MALRD1: variants seen among roughly 807,000 people sequenced by gnomAD.
MALRD1 encodes the protein MAM and LDL receptor class A domain containing 1.
Under a neutral mutation model 242.1 loss-of-function variants are expected in MALRD1, and 247 were observed. That is an observed-to-expected ratio of 1.02 (90% CI 0.92 to 1.13). The LOEUF is 1.13. MALRD1 is among the 50% of genes most tolerant of loss of function. The probability of loss-of-function intolerance (pLI) is 0.00; values close to 1 mark genes in which losing one functional copy is unlikely to be tolerated. For missense variants in MALRD1, 2,989 were observed against 2,533.1 expected (o/e 1.18, Z -3.86); for synonymous variants, 995 against 866.6 (o/e 1.15, Z -2.60).
intron 36 of MALRD1, among the ~76,000 whole-genome samples, chr10:19,636,934 A>C (rs1840162451): frequency 6.6e-6 from 1 of 151,150 alleles, no homozygotes; most frequent in Non-Finnish European, 1.5e-5. Context: ...ATTTTTTTAA[A>C]AAATATGACA....
At chr10:19,383,685 T>C (rs1011415890) in intron 26 of MALRD1, among the ~76,000 whole-genome samples, 2 of 152,122 alleles carry the variant, frequency 1.3e-5, no homozygotes, top group African/African-American at 4.8e-5. Context: ...AGTGTTATTA[T>C]TATTTCCATT....
At chr10:19,716,680 G>T (rs570197196) in intron 38 of MALRD1, 7 of 152,086 alleles carry the variant, frequency 4.6e-5, no homozygotes, top group African/African-American at 1.7e-4. Flanking sequence ...AAAGCTTTAC[G>T]TGAGGTAGTT....
At chr10:19,062,807 G>A (rs533004211) in intron 1 of MALRD1, among the ~76,000 whole-genome samples, 2 of 152,204 alleles carry the variant, frequency 1.3e-5, no homozygotes, top group East Asian at 1.9e-4. Context: ...GGGGATAGAC[G>A]ATGGTGATGG....
At chr10:19,105,301 T>C (rs1836425528) in intron 5 of MALRD1, among the ~76,000 whole-genome samples, 1 of 152,056 alleles carries the variant, frequency 6.6e-6, no homozygotes, top group African/African-American at 2.4e-5. Flanking sequence ...TTGTTTAATA[T>C]ATTCCAGATT....
chr10:19,639,702 G>T (rs1418281172), intron 36 of MALRD1, among the ~76,000 whole-genome samples: 1 of 152,288 alleles, frequency 6.6e-6, no homozygotes, highest in South Asian at 2.1e-4. Flanking sequence ...AAGTTAGTAT[G>T]CTCTCTGATC....
chr10:19,659,966 C>T (rs938840994), intron 36 of MALRD1, among the ~76,000 whole-genome samples: 1 of 152,124 alleles, frequency 6.6e-6, no homozygotes, highest in Non-Finnish European at 1.5e-5. Context: ...AGAATTTCTC[C>T]CTAACTGCAT....
chr10:19,071,504 T>G (rs1835147479), intron 2 of MALRD1, among the ~76,000 whole-genome samples: 1 of 152,078 alleles, frequency 6.6e-6, no homozygotes, highest in African/African-American at 2.4e-5. Flanking sequence ...ATCCCTTCAC[T>G]TAAGTTCCCT....
chr10:19,335,041 G>C (rs1451478192), intron 24 of MALRD1, among the ~76,000 whole-genome samples: 1 of 151,982 alleles, frequency 6.6e-6, no homozygotes, highest in Admixed American at 6.6e-5. Flanking sequence ...ATTTACCAAG[G>C]GAATCGGAAA....
chr10:19,721,784 A>T (rs927724841), intron 38 of MALRD1: 3 of 152,244 alleles, frequency 2.0e-5, no homozygotes, highest in Non-Finnish European at 1.5e-5. Flanking sequence ...TGCCTAATCT[A>T]CTGCACTCTG....
At chr10:19,216,241 C>T (rs1837310915) in intron 18 of MALRD1, among the ~76,000 whole-genome samples, 1 of 151,536 alleles carries the variant, frequency 6.6e-6, no homozygotes, top group Non-Finnish European at 1.5e-5. Context: ...CCTCAGCCTC[C>T]TGAGTAGCTG....
chr10:19,316,051 G>A (rs1243885077), intron 21 of MALRD1, among the ~76,000 whole-genome samples: 1 of 148,218 alleles, frequency 6.7e-6, no homozygotes, highest in Non-Finnish European at 1.5e-5. Context: ...CCTTTATATT[G>A]GTACTATTAA....
chr10:19,644,690 A>C (rs1421234546), intron 36 of MALRD1, among the ~76,000 whole-genome samples: 1 of 152,218 alleles, frequency 6.6e-6, no homozygotes, highest in Non-Finnish European at 1.5e-5. Flanking sequence ...ATTTTTTAAT[A>C]TTATGAGTCA....
chr10:19,332,029 C>G (rs894305646), intron 24 of MALRD1, among the ~76,000 whole-genome samples: 2 of 152,040 alleles, frequency 1.3e-5, no homozygotes, highest in Admixed American at 1.3e-4. Context: ...CCACGCCCAG[C>G]TATTTTTTGT....
intron 31 of MALRD1, among the ~76,000 whole-genome samples, chr10:19,505,535 C>A (rs1008030318): frequency 6.6e-6 from 1 of 152,194 alleles, no homozygotes; most frequent in African/African-American, 2.4e-5. Flanking sequence ...TGGTCTTGGA[C>A]TTCCAGCCTT....
chr10:19,162,967 C>G (rs1834497157), intron 12 of MALRD1, among the ~76,000 whole-genome samples: 1 of 151,148 alleles, frequency 6.6e-6, no homozygotes, highest in African/African-American at 2.4e-5. Flanking sequence ...ACCTTCATCT[C>G]TACTAAAAAG....
chr10:19,280,734 A>G (rs2499069), intron 20 of MALRD1, among the ~76,000 whole-genome samples: 1 of 152,070 alleles, frequency 6.6e-6, no homozygotes, highest in South Asian at 2.1e-4. Context: ...ATTCAATGGT[A>G]CCTGCCAATT....
chr10:19,457,024 A>T (rs529678586), intron 29 of MALRD1, among the ~76,000 whole-genome samples: 5 of 152,192 alleles, frequency 3.3e-5, no homozygotes, highest in Non-Finnish European at 7.3e-5. Flanking sequence ...CAAGTGCTTT[A>T]TACAATAATT....
At chr10:19,347,647 A>G in intron 24 of MALRD1, 124 bp from the exon 25 acceptor site, 1 of 1,089,372 alleles carries the variant, frequency 9.2e-7, no homozygotes, top group East Asian at 2.6e-5. Flanking sequence ...TGTTGCTATC[A>G]GGATAGCATT....
At chr10:19,642,514 C>A (rs1840437059) in intron 36 of MALRD1, among the ~76,000 whole-genome samples, 1 of 151,934 alleles carries the variant, frequency 6.6e-6, no homozygotes, top group African/African-American at 2.4e-5. Context: ...CAAAATAATA[C>A]AAAACAAGCT....
Sources: gnomAD v4.1 joint callset for allele counts (sites outside exome capture counted in the v4.1 genomes callset) on GRCh38, gnomAD v4.1.1 for gene constraint, MANE v1.5 for transcripts, NCBI Gene and HGNC (gene_info 2026-07-23, HGNC 2026-07-21) for gene names.